The following KDM2B variants were observed in gnomAD, a reference collection of about 807,000 sequenced individuals.
The protein encoded by KDM2B is lysine demethylase 2B.
Under a neutral mutation model 150.0 loss-of-function variants are expected in KDM2B, and 26 were observed. The ratio of observed to expected loss-of-function variants is 0.17; its 90% CI spans 0.13 to 0.24. KDM2B has a LOEUF of 0.24. Among genes scored for constraint, KDM2B ranks in the 10% least tolerant of loss-of-function variants. The probability of loss-of-function intolerance (pLI) is 1.00; values close to 1 mark genes in which losing one functional copy is unlikely to be tolerated. For missense variants in KDM2B, 1,265 were observed against 1,816.9 expected, an observed-to-expected ratio of 0.70 and a Z score of 5.52; for synonymous variants, 734 against 729.5, an observed-to-expected ratio of 1.01 and a Z score of -0.10.
At chr12:121,496,738 T>C (rs190761941) in intron 11 of KDM2B, among the ~76,000 whole-genome samples, 4 of 152,244 alleles carry the variant, frequency 2.6e-5, no homozygotes, top group Admixed American at 2.6e-4. Context: ...GCAAAACACC[T>C]GCCTCAGCCC....
In KDM2B at chr12:121,526,263, G is replaced by GA. The variant is rs561193370; in HGVS notation, c.932-5164dup. Among the ~76,000 whole-genome samples the GA allele has an allele frequency of 2.0e-3, 310 of 152,230 alleles. 1 individual carries two copies. The highest frequency in any genetic ancestry group is 0.012 in the South Asian group (60 of 4,820). On this transcript the variant is annotated intron_variant, in intron 8 of 22. Transcript: ENST00000377071. ...AGCTACTCAGGAGGCTGAGGCAGGA[G>GA]AATCACTTGAACCCAGGAGGTAAAA...
chr12:121,572,071 G>A lies in KDM2B; in HGVS notation c.397+2476C>T, dbSNP rs782464180. Among the ~76,000 whole-genome samples the A allele has an allele frequency of 4.1e-4, 62 of 152,180 alleles. 1 individual carries two copies. The highest frequency in any genetic ancestry group is 3.4e-3 in the Middle Eastern group (1 of 294). On this transcript the variant is annotated intron_variant, in intron 4 of 22. Transcript: ENST00000377071. ...TAACTAACTGGGTGTGGTGGTACAC[G>A]GCTGTGGTCCCAGCTATTCTCGAGG...
intron 4 of KDM2B, among the ~76,000 whole-genome samples, chr12:121,551,548 CTTTG>C (rs1889495991): frequency 6.6e-6 from 1 of 151,814 alleles, no homozygotes; most frequent in Non-Finnish European, 1.5e-5. Flanking sequence ...TTTTGGTTTT[CTTTG>C]TTTGGTTGGT....
In KDM2B at chr12:121,513,600, G is replaced by A. The variant is rs1885775602; in HGVS notation, c.1048-198C>T. Among the ~76,000 whole-genome samples, 1 of 152,160 alleles carries A rather than the reference G, an allele frequency of 6.6e-6. No homozygotes were observed. Among genetic ancestry groups the A allele is most frequent in the South Asian group, 2.1e-4 (1 of 4,830 alleles). On this transcript the variant is annotated intron_variant, in intron 9 of 22. Coordinates refer to ENST00000377071, the MANE Select transcript of KDM2B (RefSeq NM_032590.5). This position sits in a 1 kb window ranked among gnomAD's most constrained non-coding sequence, Gnocchi z 5.0. Reference sequence around the variant, plus strand: ...CATGCACAAATGAGGCGGAGGACGAGGCCCGCATGAGCGCCTCATCTCAAA... The same window carrying A: ...CATGCACAAATGAGGCGGAGGACGAAGCCCGCATGAGCGCCTCATCTCAAA...
chr12:121,465,457 C>A (rs1201304467), intron 12 of KDM2B, among the ~76,000 whole-genome samples: 1 of 152,326 alleles, frequency 6.6e-6, no homozygotes, highest in East Asian at 1.9e-4. Flanking sequence ...TGGTCTCGAA[C>A]TCCTGAGCTC....
chr12:121,433,031 G>C (rs1873320070), intron 22 of KDM2B: 1 of 422,122 alleles, frequency 2.4e-6, no homozygotes, highest in African/African-American at 2.1e-5. Context: ...TCGGTGGTAA[G>C]GCAGCACTTG....
intron 12 of KDM2B, among the ~76,000 whole-genome samples, chr12:121,474,542 G>C (rs1881137996): frequency 6.6e-6 from 1 of 152,130 alleles, no homozygotes; most frequent in Non-Finnish European, 1.5e-5. Context: ...AGGTTAGGTA[G>C]ATATTACCTC....
chr12:121,417,649 G>A, the KDM2B span: 6 of 1,613,980 alleles, frequency 3.7e-6, no homozygotes, highest in East Asian at 4.5e-5. The surrounding 1 kb of genome is among the most constrained non-coding windows in gnomAD (Gnocchi z 5.0). Context: ...AAGGACCTGC[G>A]GCAGTATCTC....
At chr12:121,543,548 G>A (rs751230720) in intron 6 of KDM2B, among the ~76,000 whole-genome samples, 10 of 152,114 alleles carry the variant, frequency 6.6e-5, no homozygotes, top group South Asian at 4.2e-4. Flanking sequence ...AAGATCAGCC[G>A]GGCCTGGTGG....
At chr12:121,410,628 G>A in the KDM2B span, among the ~76,000 whole-genome samples, 5 of 151,562 alleles carry the variant, frequency 3.3e-5, no homozygotes, top group African/African-American at 1.2e-4. Context: ...TCAAATTTCT[G>A]AACTTTCCAG....
intron 22 of KDM2B, among the ~76,000 whole-genome samples, chr12:121,438,803 T>C (rs1202372264): frequency 1.3e-5 from 2 of 151,710 alleles, no homozygotes; most frequent in Non-Finnish European, 2.9e-5. Context: ...GATGGGGATG[T>C]CCTTAGTACT....
rs1349611835 is a variant in KDM2B, at chr12:121,467,397, C to G, written c.1735-14053G>C. The G allele has an allele frequency of 1.0e-6, 1 of 964,790 alleles. No individual in the cohort carries two copies. The highest frequency in any genetic ancestry group is 1.2e-6 in the Non-Finnish European group (1 of 813,626). 59.8% of individuals were successfully genotyped at this position (964,790 alleles called of 1,614,324 possible). On this transcript the variant is annotated intron_variant, in intron 12 of 22. Transcript: ENST00000377071. The surrounding 1 kb of genome is among the most constrained non-coding windows in gnomAD (Gnocchi z 5.1). ...CCGCGCTGGAGGGGGCGGGGAGGGG[C>G]CGGCGGGGGAGGGCCGGGGCGCCAT...
At chr12:121,519,345 G>C (rs1031109177) in intron 9 of KDM2B, among the ~76,000 whole-genome samples, 32 of 152,222 alleles carry the variant, frequency 2.1e-4, no homozygotes, top group African/African-American at 7.0e-4. Context: ...CCTCTCCTTA[G>C]ATCTATGCAG....
At chr12:121,477,393 A>G (rs1407494506) in intron 12 of KDM2B, among the ~76,000 whole-genome samples, 1 of 151,674 alleles carries the variant, frequency 6.6e-6, no homozygotes, top group African/African-American at 2.4e-5. Context: ...ATATGTATTT[A>G]TTTTTTTAAG....
At chr12:121,449,664 G>A (rs1379645550) in intron 13 of KDM2B, among the ~76,000 whole-genome samples, 1 of 152,158 alleles carries the variant, frequency 6.6e-6, no homozygotes, top group African/African-American at 2.4e-5. Flanking sequence ...TGGGTTTTAG[G>A]TGACACCGTT....
At chr12:121,486,212 T>G (rs1189345856) in intron 12 of KDM2B, among the ~76,000 whole-genome samples, 4 of 151,302 alleles carry the variant, frequency 2.6e-5, no homozygotes, top group African/African-American at 9.7e-5. Context: ...GGGTTCAAGC[T>G]ATTCTCCTGC....
intron 8 of KDM2B, among the ~76,000 whole-genome samples, chr12:121,531,196 C>T (rs907390564): frequency 6.6e-6 from 1 of 152,100 alleles, no homozygotes; most frequent in Non-Finnish European, 1.5e-5. Flanking sequence ...AAGCAGGGGT[C>T]GGTCCCTTCC....
At chr12:121,485,331 G>A (rs192186688) in intron 12 of KDM2B, among the ~76,000 whole-genome samples, 95 of 152,198 alleles carry the variant, frequency 6.2e-4, no homozygotes, top group East Asian at 2.9e-3. Flanking sequence ...TTCTGTGATC[G>A]GGTTTCCAGA....
intron 13 of KDM2B, among the ~76,000 whole-genome samples, chr12:121,451,302 T>G (rs1555291598): frequency 6.6e-6 from 1 of 152,212 alleles, no homozygotes; most frequent in Admixed American, 6.5e-5. Flanking sequence ...TAGCTTATTT[T>G]ATTGTGAGAA....
Sources: allele counts gnomAD v4.1 joint callset (sites outside exome capture counted in the v4.1 genomes callset), GRCh38; gene constraint gnomAD v4.1.1; non-coding constraint Gnocchi (gnomAD v3.1); transcripts MANE v1.5; gene names NCBI Gene and HGNC (gene_info 2026-07-23, HGNC 2026-07-21).